The following SLC35F3 variants were observed in gnomAD, a reference collection of about 807,000 sequenced individuals.
SLC35F3 encodes the protein putative thiamine transporter SLC35F3.
Under a neutral mutation model 49.9 loss-of-function variants are expected in SLC35F3, and 25 were observed. That is an observed-to-expected ratio of 0.50 (90% CI 0.37 to 0.70). SLC35F3 has a LOEUF of 0.70. SLC35F3 is among the 30% of genes least tolerant of loss of function. The pLI is 0.00. For synonymous variants in SLC35F3, 275 were observed against 265.4 expected, an observed-to-expected ratio of 1.04 and a Z score of -0.35; for missense variants, 525 against 639.8, an observed-to-expected ratio of 0.82 and a Z score of 1.94.
At chr1:234,137,812 G>A (rs1665833694) in intron 2 of SLC35F3, among the ~76,000 whole-genome samples, 1 of 152,222 alleles carries the variant, frequency 6.6e-6, no homozygotes, top group Non-Finnish European at 1.5e-5. Context: ...GACAGCAGCA[G>A]GAGCTGGTGG....
intron 2 of SLC35F3, among the ~76,000 whole-genome samples, chr1:234,054,987 C>T (rs1290964872): frequency 6.6e-6 from 1 of 152,128 alleles, no homozygotes; most frequent in Non-Finnish European, 1.5e-5. Context: ...AATGTTGCTA[C>T]CTGATCATTC....
chr1:234,054,518 T>C (rs941629078), intron 2 of SLC35F3, among the ~76,000 whole-genome samples: 6 of 152,216 alleles, frequency 3.9e-5, no homozygotes, highest in African/African-American at 1.2e-4. Flanking sequence ...CTCTATGCTG[T>C]TTATTCTAGT....
chr1:234,190,541 C>G (rs1666714999), intron 2 of SLC35F3, among the ~76,000 whole-genome samples: 1 of 152,186 alleles, frequency 6.6e-6, no homozygotes, highest in African/African-American at 2.4e-5. Context: ...TATACATGCA[C>G]CTAATGCTGG....
intron 2 of SLC35F3, among the ~76,000 whole-genome samples, chr1:234,019,616 T>G (rs190388343): frequency 2.5e-4 from 38 of 152,306 alleles, no homozygotes; most frequent in African/African-American, 8.2e-4. Context: ...TCAATCTGCT[T>G]TCCTCAACAT....
At chr1:234,029,602 A>C (rs998331056) in intron 2 of SLC35F3, among the ~76,000 whole-genome samples, 33 of 152,184 alleles carry the variant, frequency 2.2e-4, no homozygotes, top group Non-Finnish European at 4.1e-4. Context: ...TAATGGAAAG[A>C]ATGCAGCAAT....
At chr1:234,108,501 ATATATATAAATGATATATATTATT>A (rs1261947240) in intron 2 of SLC35F3, among the ~76,000 whole-genome samples, 18 of 114,620 alleles carry the variant, frequency 1.6e-4, no homozygotes, top group Middle Eastern at 6.0e-3. Flanking sequence ...TATATTATTT[ATATATATAAATGATATATATTATT>A]TATATATAAA....
At chr1:234,086,943 T>C (rs1410402504) in intron 2 of SLC35F3, among the ~76,000 whole-genome samples, 1 of 152,204 alleles carries the variant, frequency 6.6e-6, no homozygotes, top group Admixed American at 6.5e-5. Flanking sequence ...CAATTGAATT[T>C]CCCCAGGTAT....
intron 2 of SLC35F3, among the ~76,000 whole-genome samples, chr1:234,000,148 C>T (rs1418116576): frequency 1.3e-5 from 2 of 152,118 alleles, no homozygotes; most frequent in Non-Finnish European, 2.9e-5. Flanking sequence ...CACAAGGGTT[C>T]TAACTAAGCA....
intron 2 of SLC35F3, among the ~76,000 whole-genome samples, chr1:234,007,829 T>C (rs1298238463): frequency 6.6e-6 from 1 of 152,220 alleles, no homozygotes; most frequent in Admixed American, 6.5e-5. Context: ...TAAAAATTCA[T>C]GGATTTCCCA....
At chr1:234,116,359 T>C (rs1173585168) in intron 2 of SLC35F3, among the ~76,000 whole-genome samples, 4 of 151,988 alleles carry the variant, frequency 2.6e-5, no homozygotes, top group African/African-American at 9.7e-5. Context: ...GTGCCAAGAC[T>C]CAGTCAGGGG....
At position 234,231,757 on chromosome 1, in the gene SLC35F3, A is replaced by AT; in HGVS notation, c.608+17dup. 1 of 1,580,520 alleles carries AT rather than the reference A, an allele frequency of 6.3e-7. No individual in the cohort carries two copies. Among genetic ancestry groups the AT allele is most frequent in the Non-Finnish European group, 8.6e-7 (1 of 1,159,788 alleles). ...AGCGATACAGGTAGGCGCGTCCTGC[A>AT]TGAGGAGGCCTCCTGACCCCGGGCT... On this transcript the variant is annotated intron_variant, in intron 3 of 7. Transcript: ENST00000366618. This position sits in a 1 kb window ranked among gnomAD's most constrained non-coding sequence, Gnocchi z 5.4.
At chr1:234,279,189 G>A (rs1343515519) in intron 3 of SLC35F3, among the ~76,000 whole-genome samples, 1 of 152,170 alleles carries the variant, frequency 6.6e-6, no homozygotes, top group Non-Finnish European at 1.5e-5. Flanking sequence ...CCAGGTCATA[G>A]GCAGATAAGA....
intron 2 of SLC35F3, among the ~76,000 whole-genome samples, chr1:234,184,148 A>C (rs1346874286): frequency 1.3e-5 from 2 of 151,976 alleles, no homozygotes; most frequent in Non-Finnish European, 2.9e-5. Context: ...TAAAAAAAAA[A>C]AACAAAAAAC....
Position 234,027,477 on chromosome 1 carries a change from A to G in SLC35F3, c.283+121719A>G, listed in dbSNP as rs1663995682. On this transcript the variant is annotated intron_variant, in intron 2 of 7. Transcript: ENST00000366618. This position sits in a 1 kb window ranked among gnomAD's most constrained non-coding sequence, Gnocchi z 4.1. ...TTTGGAGGGGACACACATTCAAACCACAGCGATTAACTTTCAATTTCAGTC... is the reference window on the plus strand; with the variant it reads ...TTTGGAGGGGACACACATTCAAACCGCAGCGATTAACTTTCAATTTCAGTC... Among the ~76,000 whole-genome samples the G allele has an allele frequency of 6.6e-6, 1 of 152,234 alleles. No homozygotes were observed. Among genetic ancestry groups the G allele is most frequent in the Non-Finnish European group, 1.5e-5 (1 of 68,044 alleles).
At chr1:234,316,910 G>T (rs1429927129) in intron 5 of SLC35F3, among the ~76,000 whole-genome samples, 183 bp downstream of exon 5, 11 of 152,250 alleles carry the variant, frequency 7.2e-5, no homozygotes, top group African/African-American at 2.4e-4. Context: ...TCAAGGGCAA[G>T]GGGGAGGTGT....
chr1:234,181,948 A>G (rs1211749546), intron 2 of SLC35F3, among the ~76,000 whole-genome samples: 1 of 152,178 alleles, frequency 6.6e-6, no homozygotes, highest in Non-Finnish European at 1.5e-5. Context: ...ATATTCTATC[A>G]TCTTCTTTTT....
chr1:233,925,478 G>A (rs956701583), intron 2 of SLC35F3, among the ~76,000 whole-genome samples: 5 of 150,864 alleles, frequency 3.3e-5, no homozygotes, highest in Non-Finnish European at 7.4e-5. Context: ...TTTGTTTTCC[G>A]TTTGCTTGGT....
intron 2 of SLC35F3, among the ~76,000 whole-genome samples, chr1:233,943,425 G>A (rs1441810253): frequency 6.6e-6 from 1 of 152,216 alleles, no homozygotes; most frequent in Non-Finnish European, 1.5e-5. Flanking sequence ...CAAGATGCAA[G>A]TAGCTTTGCC....
intron 2 of SLC35F3, among the ~76,000 whole-genome samples, chr1:233,932,989 T>G (rs561841792): frequency 6.8e-6 from 1 of 147,872 alleles, no homozygotes; most frequent in African/African-American, 2.5e-5. Flanking sequence ...ACATAATTTC[T>G]GAAGAGCATA....
Sources: allele counts gnomAD v4.1 joint callset (sites outside exome capture counted in the v4.1 genomes callset), GRCh38; gene constraint gnomAD v4.1.1; non-coding constraint Gnocchi (gnomAD v3.1); transcripts MANE v1.5; gene names NCBI Gene and HGNC (gene_info 2026-07-23, HGNC 2026-07-21).